The following PDCL variants were observed in gnomAD, a reference collection of about 807,000 sequenced individuals.
The protein encoded by PDCL is phosducin-like protein.
Under a neutral mutation model 26.7 loss-of-function variants are expected in PDCL, and 11 were observed. That is an observed-to-expected ratio of 0.41 (90% CI 0.26 to 0.68). PDCL has a LOEUF of 0.68. PDCL is among the 30% of genes least tolerant of loss of function. The pLI is 0.30. For synonymous variants in PDCL, 118 were observed against 134.9 expected, an observed-to-expected ratio of 0.87 and a Z score of 0.87; for missense variants, 330 against 371.6, an observed-to-expected ratio of 0.89 and a Z score of 0.92.
rs1165324217 is a variant in PDCL at position 122,826,790 on chromosome 9, T to C, written c.-3A>G. The C allele has an allele frequency of 5.0e-6, 8 of 1,613,722 alleles. No homozygotes were observed. Among genetic ancestry groups the C allele is most frequent in the Non-Finnish European group, 5.1e-6 (6 of 1,179,826 alleles). On this transcript the variant is annotated splice_region_variant and 5_prime_UTR_variant, in exon 2 of 4. Coordinates refer to ENST00000259467, the MANE Select transcript of PDCL (RefSeq NM_005388.5). The stretch of plus-strand genomic sequence containing the variant: ...AACTTATCATCAAGGGTGGTCATGG[T>C]GTCTGGAAAAAGAAAGCATATCAGG...
rs537655454 is a variant in PDCL, at chr9:122,821,523, C to T, written c.355-887G>A. 2.0e-5 allele frequency among the ~76,000 whole-genome samples: 3 copies of T among 152,260 alleles called. No individual in the cohort carries two copies. In the East Asian group the frequency reaches 5.8e-4, roughly 29 times the overall value. On this transcript the variant is annotated intron_variant, in intron 3 of 3. Transcript: ENST00000259467. The stretch of plus-strand genomic sequence containing the variant: ...GCAGCTGTGGGTGTACCAATTAAGC[C>T]ATAACCTGCTTTCGAGACTTAGCAC...
intron 1 of PDCL, 72 bp from the exon 2 acceptor site, chr9:122,826,864 CT>C: frequency 3.6e-6 from 5 of 1,378,060 alleles, no homozygotes; most frequent in Non-Finnish European, 5.1e-6. Context: ...GCATAGGGGG[CT>C]CGCCTGTGCT....
In PDCL at chr9:122,820,073, T is replaced by C. The variant is rs1410101981; in HGVS notation, c.*12A>G. 1 of 1,571,178 alleles carries C rather than the reference T, an allele frequency of 6.4e-7. No individual in the cohort carries two copies. The highest frequency in any genetic ancestry group is 1.9e-5 in the Admixed American group (1 of 53,174). ...CCAAACAATGAGAAATCTATGCAAC[T>C]AGACTATCAGTTCAATCTATTTCCA... is the stretch of plus-strand genomic sequence containing the variant. On this transcript the variant is annotated 3_prime_UTR_variant, in exon 4 of 4. Coordinates refer to ENST00000259467, the MANE Select transcript of PDCL (RefSeq NM_005388.5).
rs78958184 is a variant in PDCL at position 122,826,331 on chromosome 9, C to T, written c.172+285G>A. On this transcript the variant is annotated intron_variant, in intron 2 of 3. Coordinates refer to ENST00000259467, the MANE Select transcript of PDCL (RefSeq NM_005388.5). ...ATGCCATTTTTAGGAATTTGCACTA[C>T]CCATATACTCATACTTGTGATTTAT... Among the ~76,000 whole-genome samples the T allele has an allele frequency of 8.7e-3, 1,319 of 152,202 alleles. 22 individuals are homozygous for T. Among genetic ancestry groups the T allele is most frequent in the African/African-American group, 0.03 (1,226 of 41,534 alleles).
At position 122,820,009 on chromosome 9, in the gene PDCL, G is replaced by T. The variant is rs1829531560; in HGVS notation, c.*76C>A. On this transcript the variant is annotated 3_prime_UTR_variant, in exon 4 of 4. Transcript: ENST00000259467. ...ACAAAGAACAGCTGAAAAGCCAGAA[G>T]ACAAAGGAACAAAAATAAACAATGA... The T allele has an allele frequency of 2.4e-6, 3 of 1,268,228 alleles. No homozygotes were observed. The highest frequency in any genetic ancestry group is 3.3e-6 in the Non-Finnish European group (3 of 912,164). The allele number at this position is 1,268,228 out of a possible 1,614,324, so 78.6% of individuals were successfully genotyped here.
At position 122,820,567 on chromosome 9, in the gene PDCL, T is replaced by G. The variant is rs749108331; in HGVS notation, c.424A>C (p.Lys142Gln). The change falls in exon 4 of 4, where the codon AAG becomes CAG. Residue 142 changes from lysine (K) to glutamine (Q), a missense_variant. Physicochemically the swap from Lys to Gln is moderately conservative, Grantham distance 53. Transcript: ENST00000259467. ...DDEEFLQQYR[K>Q]QRMEEMRQQL... ...TGCCGCATCTCTTCCATTCGCTGCT[T>G]CCGGTACTGCTGCAGAAACTCTTCA... 2 of 1,614,086 alleles carry G rather than the reference T, an allele frequency of 1.2e-6. No individual in the cohort carries two copies. Among genetic ancestry groups the G allele is most frequent in the Non-Finnish European group, 1.7e-6 (2 of 1,180,004 alleles).
chr9:122,826,231 G>A (rs1158781948), intron 2 of PDCL, among the ~76,000 whole-genome samples: 5 of 152,218 alleles, frequency 3.3e-5, no homozygotes. Flanking sequence ...ACAGATTGCT[G>A]ATTAAACTAT....
At chr9:122,826,814 G>A (rs761584369) in intron 1 of PDCL, 22 bp from the exon 2 acceptor site, 3 of 1,611,746 alleles carry the variant, frequency 1.9e-6, no homozygotes, top group East Asian at 2.2e-5. Context: ...AAGCATATCA[G>A]GTTCTTTGCT....
rs939931653 is a variant in PDCL, at chr9:122,819,610, GA to G, written c.*474del. ...CCCCTTTAAACAAGACCCTGGTGGG[GA>G]AAAAAAAAATCTAACCACCGTCTAA... On this transcript the variant is annotated 3_prime_UTR_variant, in exon 4 of 4. Coordinates refer to ENST00000259467, the MANE Select transcript of PDCL (RefSeq NM_005388.5). 3.4e-5 allele frequency: 5 copies of G among 149,202 alleles called. No homozygotes were observed. Among genetic ancestry groups the G allele is most frequent in the East Asian group, 1.9e-4 (1 of 5,138 alleles). The allele number at this position is 149,202 out of a possible 1,614,324, so 9.2% of individuals were successfully genotyped here.
chr9:122,827,481 A>C (rs531045185), intron 1 of PDCL, among the ~76,000 whole-genome samples: 4 of 152,204 alleles, frequency 2.6e-5, no homozygotes, highest in Non-Finnish European at 5.9e-5. Flanking sequence ...AGGGAGGCCG[A>C]GGAGGGAGGA....
intron 2 of PDCL, among the ~76,000 whole-genome samples, chr9:122,823,546 C>T (rs1257255306): frequency 6.6e-6 from 1 of 152,108 alleles, no homozygotes; most frequent in Non-Finnish European, 1.5e-5. Flanking sequence ...TTTAGAATAT[C>T]ACGGTACAAT....
Position 122,820,528 on chromosome 9 carries a change from C to T in PDCL, c.463G>A (p.Gly155Arg), listed in dbSNP as rs1829539886. The T allele has an allele frequency of 6.2e-7, 1 of 1,613,952 alleles. No homozygotes were observed. Among genetic ancestry groups the T allele is most frequent in the South Asian group, 1.1e-5 (1 of 91,090 alleles). Residue 155 changes from glycine (G) to arginine (R), a missense_variant, in exon 4 of 4, where the codon GGG (glycine) becomes AGG (arginine). By Grantham distance (125) the Gly-to-Arg change is moderately radical (BLOSUM62 -2). Transcript: ENST00000259467. ...TCAAAAACCTGCTTGAATTGGGGCC[C>T]CTTGTGAAGCTGCTGCCGCATCTCT... ...MEEMRQQLHK[G>R]PQFKQVFEIS...
chr9:122,820,820 CTT>C, intron 3 of PDCL, 184 bp from the exon 4 acceptor site: 7 of 452,534 alleles, frequency 1.5e-5, no homozygotes, highest in East Asian at 8.8e-5. Flanking sequence ...CTCATCTCTC[CTT>C]AAAAAAAAAA....
chr9:122,826,154 G>A (rs1829625601), intron 2 of PDCL, among the ~76,000 whole-genome samples: 1 of 152,112 alleles, frequency 6.6e-6, no homozygotes, highest in Admixed American at 6.5e-5. Context: ...AACCTACAAT[G>A]AATTACTACA....
In PDCL at chr9:122,823,066, C is replaced by T; in HGVS notation, c.304G>A (p.Glu102Lys). The T allele has an allele frequency of 6.2e-7, 1 of 1,614,208 alleles. No individual in the cohort carries two copies. The highest frequency in any genetic ancestry group is 8.5e-7 in the Non-Finnish European group (1 of 1,180,034). The change falls in exon 3 of 4, where the codon GAG becomes AAG. Residue 102 changes from glutamate to lysine, a missense_variant. By Grantham distance (56) the Glu-to-Lys change is moderately conservative. Transcript: ENST00000259467. Reference protein sequence around the residue: ...SMTCRSHLDEEEEQQKQKDLQ... With the variant: ...SMTCRSHLDEKEEQQKQKDLQ... ...TCTTTCTGTTTCTGTTGCTCCTCCTCTTCATCCAGATGGGACCTGCAAGTC... is the reference window on the plus strand; with the variant it reads ...TCTTTCTGTTTCTGTTGCTCCTCCTTTTCATCCAGATGGGACCTGCAAGTC...
At chr9:122,820,726 G>A (rs952543381) in intron 3 of PDCL, 90 bp from the exon 4 acceptor site, 1 of 1,044,696 alleles carries the variant, frequency 9.6e-7, no homozygotes, top group Non-Finnish European at 1.4e-6. Flanking sequence ...GCTCACGCCT[G>A]TAATCCTAGC....
At chr9:122,827,115 T>G (rs1303582177) in intron 1 of PDCL, among the ~76,000 whole-genome samples, 1 of 152,172 alleles carries the variant, frequency 6.6e-6, no homozygotes, top group African/African-American at 2.4e-5. Flanking sequence ...CTGAGTTAAG[T>G]GTACAAGCCA....
In PDCL at chr9:122,818,330, T is replaced by A. The variant is rs7853778; in HGVS notation, c.*1755A>T. The A allele has an allele frequency of 6.6e-6, 1 of 152,092 alleles. No individual in the cohort carries two copies. The highest frequency in any genetic ancestry group is 2.4e-5 in the African/African-American group (1 of 41,412). 9.4% of individuals were successfully genotyped at this position (152,092 alleles called of 1,614,324 possible). A position where few individuals can be genotyped will look rare whatever the true frequency, so the allele number is the denominator to read the frequency against. ...GACTGGTTAAATAAATTATTATATA[T>A]CCAAATGATGAAATATTATGAAGCC... On this transcript the variant is annotated 3_prime_UTR_variant, in exon 4 of 4. Transcript: ENST00000259467.
intron 2 of PDCL, among the ~76,000 whole-genome samples, chr9:122,825,693 G>GA (rs1460752491): frequency 1.3e-5 from 2 of 151,298 alleles, no homozygotes; most frequent in Non-Finnish European, 2.9e-5. Context: ...TCCCCAAGAA[G>GA]AAAAAAAACA....
Sources: gnomAD v4.1 joint callset for allele counts (sites outside exome capture counted in the v4.1 genomes callset) on GRCh38, gnomAD v4.1.1 for gene constraint, MANE v1.5 for transcripts, NCBI Gene and HGNC (gene_info 2026-07-23, HGNC 2026-07-21) for gene names.